NXPH1: variants seen among roughly 807,000 people sequenced by gnomAD.
The protein encoded by NXPH1 is neurexophilin 1, also known as neurexophilin-1.
Under a neutral mutation model 23.7 loss-of-function variants are expected in NXPH1, and 5 were observed. That is an observed-to-expected ratio of 0.21 (90% confidence interval 0.11 to 0.44). The LOEUF is 0.44. Among genes scored for constraint, NXPH1 ranks in the 20% least tolerant of loss-of-function variants. The probability of loss-of-function intolerance (pLI) is 0.99; values close to 1 mark genes in which losing one functional copy is unlikely to be tolerated. For missense variants in NXPH1, 324 were observed against 321.6 expected (o/e 1.01, Z -0.06); for synonymous variants, 144 against 122.2 (o/e 1.18, Z -1.18).
At chr7:8,453,274 T>C (rs1409396209) in intron 2 of NXPH1, among the ~76,000 whole-genome samples, 2 of 152,154 alleles carry the variant, frequency 1.3e-5, no homozygotes, top group Admixed American at 1.3e-4. Context: ...TGACATGCGA[T>C]CTTGCCTTCT....
At position 8,566,839 on chromosome 7, in the gene NXPH1, A is replaced by T. The variant is rs560603935; in HGVS notation, c.54+131072A>T. ...CTGAGCCAATTCCCCTAATAACCTC[A>T]TATTCATTCATATTTTTTTTCTCTC... On this transcript the variant is annotated intron_variant, in intron 2 of 2. Transcript: ENST00000405863. 4.2e-5 allele frequency among the ~76,000 whole-genome samples: 6 copies of T among 144,232 alleles called. No homozygotes were observed. In the East Asian group the frequency reaches 1.2e-3, roughly 28 times the overall value. The allele number at this position is 144,232 out of a possible 152,430, so 94.6% of individuals were successfully genotyped here. A position where few individuals can be genotyped will look rare whatever the true frequency, so the allele number is the denominator to read the frequency against.
intron 2 of NXPH1, among the ~76,000 whole-genome samples, chr7:8,636,763 C>T (rs1820223945): frequency 6.6e-6 from 1 of 152,192 alleles, no homozygotes; most frequent in Non-Finnish European, 1.5e-5. Context: ...TTTGTATAGT[C>T]CTACAAATTA....
At chr7:8,564,801 C>T (rs1366364564) in intron 2 of NXPH1, among the ~76,000 whole-genome samples, 4 of 151,912 alleles carry the variant, frequency 2.6e-5, no homozygotes, top group Admixed American at 2.6e-4. Context: ...AAAGAATATG[C>T]ACTCTGTGCT....
At chr7:8,453,149 G>C (rs1816535302) in intron 2 of NXPH1, among the ~76,000 whole-genome samples, 1 of 152,216 alleles carries the variant, frequency 6.6e-6, no homozygotes, top group East Asian at 1.9e-4. Context: ...GAAGTAGAAG[G>C]AGAGGGGGAA....
chr7:8,730,303 G>C (rs1344814790), intron 2 of NXPH1, among the ~76,000 whole-genome samples: 1 of 149,382 alleles, frequency 6.7e-6, no homozygotes, highest in Non-Finnish European at 1.5e-5. Flanking sequence ...CAATTTGCCA[G>C]TCTGTGTCTT....
intron 2 of NXPH1, among the ~76,000 whole-genome samples, chr7:8,509,165 T>C (rs1268087846): frequency 6.6e-6 from 1 of 152,110 alleles, no homozygotes; most frequent in Admixed American, 6.6e-5. Flanking sequence ...TTTACCAGCT[T>C]GAGGTGAACT....
intron 2 of NXPH1, among the ~76,000 whole-genome samples, chr7:8,733,854 T>A (rs1780200278): frequency 6.6e-6 from 1 of 152,244 alleles, no homozygotes. Context: ...GATAGTTTCT[T>A]TTGCTGTGCA....
At chr7:8,468,501 C>A (rs569418942) in intron 2 of NXPH1, among the ~76,000 whole-genome samples, 35 of 151,968 alleles carry the variant, frequency 2.3e-4, no homozygotes, top group Non-Finnish European at 4.4e-4. Context: ...TTTTGCTTTG[C>A]TTTTTGGTTT....
intron 2 of NXPH1, among the ~76,000 whole-genome samples, chr7:8,743,196 C>T (rs1443682057): frequency 6.6e-6 from 1 of 151,646 alleles, no homozygotes; most frequent in East Asian, 1.9e-4. Flanking sequence ...TTTTTTTAAA[C>T]ATTTTTGTTT....
At chr7:8,723,772 C>T (rs552013747) in intron 2 of NXPH1, among the ~76,000 whole-genome samples, 8 of 151,996 alleles carry the variant, frequency 5.3e-5, no homozygotes, top group East Asian at 1.9e-4. Flanking sequence ...CTAGATAATG[C>T]GGAGTTAGCT....
At chr7:8,498,130 T>A (rs111582138) in intron 2 of NXPH1, among the ~76,000 whole-genome samples, 25 of 151,964 alleles carry the variant, frequency 1.6e-4, no homozygotes, top group Non-Finnish European at 2.9e-5. Context: ...TTTTAAACCA[T>A]GAAGCATTGT....
intron 2 of NXPH1, among the ~76,000 whole-genome samples, chr7:8,609,271 T>C (rs927560743): frequency 6.6e-6 from 1 of 152,182 alleles, no homozygotes; most frequent in African/African-American, 2.4e-5. Flanking sequence ...AAAACATCAT[T>C]TTAGACGATT....
chr7:8,480,569 A>G (rs1205824913), intron 2 of NXPH1, among the ~76,000 whole-genome samples: 2 of 152,192 alleles, frequency 1.3e-5, no homozygotes, highest in African/African-American at 4.8e-5. Context: ...ACTTGGTGTC[A>G]GGAAACTGGG....
intron 2 of NXPH1, among the ~76,000 whole-genome samples, chr7:8,553,979 T>C (rs1319193860): frequency 6.6e-6 from 1 of 151,592 alleles, no homozygotes; most frequent in African/African-American, 2.4e-5. Flanking sequence ...GATTTAACTG[T>C]GGAATTTAGT....
chr7:8,660,239 A>G (rs923127589), intron 2 of NXPH1, among the ~76,000 whole-genome samples: 2 of 152,160 alleles, frequency 1.3e-5, no homozygotes, highest in Admixed American at 6.5e-5. Context: ...TCTATTTTGC[A>G]AATAAGGAAA....
At chr7:8,647,523 T>A (rs1295061468) in intron 2 of NXPH1, among the ~76,000 whole-genome samples, 1 of 152,144 alleles carries the variant, frequency 6.6e-6, no homozygotes, top group Non-Finnish European at 1.5e-5. Context: ...TATGAATGTT[T>A]AGGTTTTAAT....
At chr7:8,459,330 A>C (rs185304256) in intron 2 of NXPH1, among the ~76,000 whole-genome samples, 50 of 152,300 alleles carry the variant, frequency 3.3e-4, no homozygotes, top group Admixed American at 3.1e-3. Flanking sequence ...CACCCTTCAC[A>C]AAAGTTCTTG....
chr7:8,557,279 A>G (rs910772104), intron 2 of NXPH1, among the ~76,000 whole-genome samples: 8 of 105,962 alleles, frequency 7.5e-5, no homozygotes. Flanking sequence ...AAGTGTTAAA[A>G]CAACAACAAC....
chr7:8,476,778 T>C (rs1370177011), intron 2 of NXPH1, among the ~76,000 whole-genome samples: 2 of 152,014 alleles, frequency 1.3e-5, no homozygotes, highest in Non-Finnish European at 2.9e-5. Flanking sequence ...AATACATGGA[T>C]TAATTAAATA....
Sources: allele counts gnomAD v4.1 joint callset (sites outside exome capture counted in the v4.1 genomes callset), GRCh38; gene constraint gnomAD v4.1.1; transcripts MANE v1.5; gene names NCBI Gene and HGNC (gene_info 2026-07-23, HGNC 2026-07-21).